The following ASCC1 variants were observed in gnomAD, a reference collection of about 807,000 sequenced individuals.
ASCC1 encodes activating signal cointegrator 1 complex subunit 1.
A neutral mutation model predicts 46.6 loss-of-function variants in ASCC1; 35 were observed. That is an observed-to-expected ratio of 0.75 (90% CI 0.57 to 0.99). The LOEUF is 0.99. ASCC1 is among the 50% of genes least tolerant of loss of function. The pLI is 0.00. For missense variants in ASCC1, 376 were observed against 428.7 expected, an observed-to-expected ratio of 0.88 and a Z score of 1.09; for synonymous variants, 143 against 146.6, an observed-to-expected ratio of 0.98 and a Z score of 0.18.
chr10:72,109,861 C>G (rs1412468210), intron 9 of ASCC1, among the ~76,000 whole-genome samples: 1 of 152,234 alleles, frequency 6.6e-6, no homozygotes, highest in Non-Finnish European at 1.5e-5. Context: ...GAACCCACAC[C>G]TAATCTCCGC....
intron 7 of ASCC1, among the ~76,000 whole-genome samples, chr10:72,137,262 C>T (rs972337721): frequency 3.3e-5 from 5 of 151,948 alleles, no homozygotes; most frequent in South Asian, 2.1e-4. Context: ...AGTGCAGTGG[C>T]TCACGCCTGT....
chr10:72,123,217 T>C lies in ASCC1; in HGVS notation c.957+4865A>G, dbSNP rs58863938. 9.3e-3 allele frequency among the ~76,000 whole-genome samples: 1,414 copies of C among 151,834 alleles called. 15 individuals are homozygous for C. The highest frequency in any genetic ancestry group is 0.033 in the African/African-American group (1,347 of 41,372). On this transcript the variant is annotated intron_variant, in intron 9 of 9. Coordinates refer to ENST00000672957, the MANE Select transcript of ASCC1 (RefSeq NM_001198800.3). ...AGCCAGGCATGGTGGCGTGTGCCTG[T>C]AGTCCCAGCTGCTGGGGAGGCTGAG...
chr10:72,133,251 A>G lies in ASCC1; in HGVS notation c.747-70T>C, dbSNP rs534838984. 376 of 1,513,134 alleles carry G rather than the reference A, an allele frequency of 2.5e-4. 7 individuals carry two copies. The South Asian group carries it at 4.1e-3, about 16-fold the overall frequency. The allele number at this position is 1,513,134 out of a possible 1,614,324, so 93.7% of individuals were successfully genotyped here. On this transcript the variant is annotated intron_variant, in intron 7 of 9. Coordinates refer to ENST00000672957, the MANE Select transcript of ASCC1 (RefSeq NM_001198800.3). ...CTGAACATGCGATTACCAATTCAAC[A>G]ATGTTTATGGAGCATGTGCTCTGTG...
rs1026715438 is a variant in ASCC1, at chr10:72,097,119, G to A, written c.*215C>T. The A allele has an allele frequency of 1.6e-6, 1 of 627,704 alleles. No homozygotes were observed. The highest frequency in any genetic ancestry group is 3.3e-5 in the East Asian group (1 of 30,338). 38.9% of individuals were successfully genotyped at this position (627,704 alleles called of 1,614,324 possible). ...AAGAAAAAAAACCAGAACACACTAA[G>A]GGTTATAGGCACAAATTCTCCTTAT... is the stretch of plus-strand genomic sequence containing the variant. On this transcript the variant is annotated 3_prime_UTR_variant, in exon 10 of 10. Coordinates refer to ENST00000672957, the MANE Select transcript of ASCC1 (RefSeq NM_001198800.3).
In ASCC1 at chr10:72,189,863, T is replaced by G; in HGVS notation, c.489+6948A>C. On this transcript the variant is annotated intron_variant, in intron 5 of 9. Coordinates refer to ENST00000672957, the MANE Select transcript of ASCC1 (RefSeq NM_001198800.3). ...AACCATTGTTCTATTTTATTCCAAA[T>G]GCTTTTATTTCTGTCTTCACTATAA... 3 of 549,452 alleles carry G rather than the reference T, an allele frequency of 5.5e-6. No individual in the cohort carries two copies. In the South Asian group the frequency reaches 6.1e-5, roughly 11 times the overall value. The allele number at this position is 549,452 out of a possible 1,614,324, so 34.0% of individuals were successfully genotyped here.
chr10:72,099,840 C>T (rs1159569925), intron 9 of ASCC1, among the ~76,000 whole-genome samples: 1 of 151,218 alleles, frequency 6.6e-6, no homozygotes, highest in Non-Finnish European at 1.5e-5. Flanking sequence ...AACAAATAAA[C>T]CAAAAAAAAA....
Position 72,149,235 on chromosome 10 carries a change from A to G in ASCC1, c.746+3634T>C, listed in dbSNP as rs190918869. On this transcript the variant is annotated intron_variant, in intron 7 of 9. Coordinates refer to ENST00000672957, the MANE Select transcript of ASCC1 (RefSeq NM_001198800.3). ...GGACAGAGCACAAGGTCAGGAGATC[A>G]AGACCATCCTGGCTGACACGGTGAA... Among the ~76,000 whole-genome samples, 561 of 152,074 alleles carry G rather than the reference A, an allele frequency of 3.7e-3. 7 individuals are homozygous for G. The highest frequency in any genetic ancestry group is 0.01 in the African/African-American group (424 of 41,514).
chr10:72,110,571 G>A (rs1842816394), intron 9 of ASCC1, among the ~76,000 whole-genome samples: 1 of 151,962 alleles, frequency 6.6e-6, no homozygotes. Context: ...GGTGGATCAT[G>A]AGGTCAGGAG....
At chr10:72,136,415 C>T (rs1846209907) in intron 7 of ASCC1, among the ~76,000 whole-genome samples, 1 of 152,124 alleles carries the variant, frequency 6.6e-6, no homozygotes, top group Non-Finnish European at 1.5e-5. Context: ...TGTGAAAACG[C>T]ACCAATCAGC....
At chr10:72,189,805 A>G (rs1022822989) in intron 5 of ASCC1, 19 of 229,798 alleles carry the variant, frequency 8.3e-5, no homozygotes, top group African/African-American at 3.6e-4. Flanking sequence ...TCCATCTCAA[A>G]AAAAAAAAAA....
chr10:72,133,157 C>T lies in ASCC1; in HGVS notation c.771G>A (p.Val257=). The T allele has an allele frequency of 6.2e-7, 1 of 1,614,102 alleles. No homozygotes were observed. Among genetic ancestry groups the T allele is most frequent in the Non-Finnish European group, 8.5e-7 (1 of 1,179,954 alleles). The change falls in exon 8 of 10, where the codon GTG becomes GTA. Residue 257 remains valine (V), a synonymous_variant. Transcript: ENST00000672957. ...SNRLQELVDR[V]LERFQASGLI... The stretch of plus-strand genomic sequence containing the variant: ...GTCCAGATGCCTGAAAACGTTCCAG[C>T]ACTCGATCAACTAATTCTTGTAGCC...
intron 3 of ASCC1, among the ~76,000 whole-genome samples, chr10:72,203,803 C>G (rs1234579245): frequency 6.6e-6 from 1 of 152,120 alleles, no homozygotes; most frequent in Admixed American, 6.6e-5. Context: ...GATTTAAAAT[C>G]TGGGTCTGCA....
upstream of ASCC1, chr10:72,216,394 C>CT (rs1407655007): frequency 5.5e-6 from 1 of 180,786 alleles, no homozygotes; most frequent in Non-Finnish European, 1.2e-5. Context: ...GGAAAAGTGG[C>CT]TAGGAGTTAG....
chr10:72,118,187 G>A (rs2132101047), intron 9 of ASCC1, among the ~76,000 whole-genome samples: 1 of 151,952 alleles, frequency 6.6e-6, no homozygotes, highest in Non-Finnish European at 1.5e-5. Context: ...CTAACACGGT[G>A]AAAGCCTATC....
At chr10:72,140,474 G>C (rs921997826) in intron 7 of ASCC1, among the ~76,000 whole-genome samples, 22 of 152,088 alleles carry the variant, frequency 1.4e-4, no homozygotes, top group Non-Finnish European at 2.8e-4. Flanking sequence ...AAAGTCCTAT[G>C]GTACATAAGC....
chr10:72,152,197 T>G (rs1057076217), intron 7 of ASCC1, among the ~76,000 whole-genome samples: 5 of 149,824 alleles, frequency 3.3e-5, no homozygotes, highest in African/African-American at 7.4e-5. Context: ...TTTTTTGTGT[T>G]TTTTTTTTGT....
intron 8 of ASCC1, among the ~76,000 whole-genome samples, chr10:72,132,322 A>G (rs1845708217): frequency 6.6e-6 from 1 of 152,210 alleles, no homozygotes; most frequent in Admixed American, 6.5e-5. Flanking sequence ...CCGATGCTGA[A>G]GGTACTAGAG....
intron 5 of ASCC1, among the ~76,000 whole-genome samples, chr10:72,172,818 AATAT>A (rs1320508408): frequency 7.6e-6 from 1 of 131,140 alleles, no homozygotes; most frequent in Non-Finnish European, 1.6e-5. Flanking sequence ...TATTATATAT[AATAT>A]ATATTTTATA....
At chr10:72,215,290 T>C (rs909305938) in intron 1 of ASCC1, among the ~76,000 whole-genome samples, 1 of 152,116 alleles carries the variant, frequency 6.6e-6, no homozygotes. Flanking sequence ...TCCCAACTAC[T>C]GGGAAAGCTG....
Sources: gnomAD v4.1 joint callset for allele counts (sites outside exome capture counted in the v4.1 genomes callset) on GRCh38, gnomAD v4.1.1 for gene constraint, MANE v1.5 for transcripts, NCBI Gene and HGNC (gene_info 2026-07-23, HGNC 2026-07-21) for gene names.